The following NAV3 variants were observed in gnomAD, a reference collection of about 807,000 sequenced individuals.
The protein encoded by NAV3 is neuron navigator 3.
A neutral mutation model predicts 244.7 loss-of-function variants in NAV3; 87 were observed. The observed-to-expected ratio is 0.36, with a 90% CI of 0.30 to 0.42. The LOEUF (loss-of-function observed/expected upper bound fraction) is 0.42, where lower values mean the gene tolerates loss of function less well. NAV3 is among the 20% of genes least tolerant of loss of function. NAV3 has a pLI of 1.00. For synonymous variants in NAV3, 1,126 were observed against 1,042.2 expected (o/e 1.08, Z -1.55); for missense variants, 2,663 against 2,893.3 (o/e 0.92, Z 1.83).
At position 78,188,749 on chromosome 12, in the gene NAV3, T is replaced by C; in HGVS notation, c.6027T>C (p.Asp2009=). The C allele has an allele frequency of 1.2e-6, 2 of 1,612,080 alleles. No individual in the cohort carries two copies. Among genetic ancestry groups the C allele is most frequent in the Middle Eastern group, 1.7e-4 (1 of 6,050 alleles). Residue 2009 remains aspartate, a synonymous_variant, in exon 33 of 40, where the codon GAT becomes GAC. Transcript: ENST00000397909. The part of the protein sequence containing the change: ...ELLPCGYLVG[D]NNIITVNLKG... ...TGCCTTGTGGATACCTTGTTGGAGA[T>C]AATAACATCATCACTGTGAACCTCA...
In NAV3 at chr12:77,936,099, A is replaced by G. The variant is rs80345318; in HGVS notation, c.244-4220A>G. On this transcript the variant is annotated intron_variant, in intron 1 of 39. Transcript: ENST00000397909. ...GGAATTTAGAGAAAAGAAATGTTCA[A>G]TCAAAGTCTGCACAAATATTAAGTG... 6.9e-3 allele frequency among the ~76,000 whole-genome samples: 1,054 copies of G among 152,332 alleles called. 14 individuals are homozygous for G. Among genetic ancestry groups the G allele is most frequent in the African/African-American group, 0.024 (1,018 of 41,578 alleles).
intron 7 of NAV3, among the ~76,000 whole-genome samples, chr12:78,003,092 C>A: frequency 7.3e-6 from 1 of 137,424 alleles, no homozygotes. Context: ...CTTCTAGGAT[C>A]CCTATAAAAC....
chr12:78,119,083 C>T (rs984622918), intron 14 of NAV3, among the ~76,000 whole-genome samples, 154 bp from the exon 15 acceptor site: 3 of 152,176 alleles, frequency 2.0e-5, no homozygotes, highest in Non-Finnish European at 4.4e-5. Context: ...GCTATGCACT[C>T]AGTCCTCTCA....
chr12:77,716,485 TG>T (rs1441000933), intron 2 of NAV3, among the ~76,000 whole-genome samples: 1 of 151,950 alleles, frequency 6.6e-6, no homozygotes, highest in African/African-American at 2.4e-5. Flanking sequence ...TCATGTTTTA[TG>T]AAAAAAATTT....
At chr12:77,790,589 G>A (rs560055047) in intron 2 of NAV3, among the ~76,000 whole-genome samples, 1 of 152,226 alleles carries the variant, frequency 6.6e-6, no homozygotes, top group Admixed American at 6.5e-5. Flanking sequence ...CTGGCTTCAT[G>A]GTTTGATCAG....
intron 2 of NAV3, among the ~76,000 whole-genome samples, chr12:77,780,589 G>A (rs1870614739): frequency 6.6e-6 from 1 of 152,138 alleles, no homozygotes; most frequent in Non-Finnish European, 1.5e-5. Context: ...TGCGAAGATT[G>A]GTCAGTGTGT....
intron 2 of NAV3, among the ~76,000 whole-genome samples, chr12:77,750,960 T>C (rs1292206182): frequency 2.0e-5 from 3 of 152,216 alleles, no homozygotes; most frequent in Non-Finnish European, 2.9e-5. Flanking sequence ...AGACTTATTC[T>C]TATTTGCTAT....
chr12:77,850,766 T>C (rs1877391691), intron 1 of NAV3, among the ~76,000 whole-genome samples: 1 of 151,048 alleles, frequency 6.6e-6, no homozygotes, highest in African/African-American at 2.4e-5. Context: ...CTCAGGGTAA[T>C]GGCAGATGAA....
At chr12:77,663,732 G>A (rs1873583164) in intron 2 of NAV3, among the ~76,000 whole-genome samples, 1 of 152,096 alleles carries the variant, frequency 6.6e-6, no homozygotes, top group Non-Finnish European at 1.5e-5. Context: ...TGTTGGTCAG[G>A]CTGGTCTCGA....
chr12:78,039,373 G>A (rs139405724), intron 9 of NAV3, among the ~76,000 whole-genome samples: 2 of 152,096 alleles, frequency 1.3e-5, no homozygotes, highest in African/African-American at 4.8e-5. Flanking sequence ...ACAGATTAAG[G>A]TTTGTCCTAT....
Position 78,111,947 on chromosome 12 carries a change from A to C in NAV3, c.2637-4825A>C, listed in dbSNP as rs75063736. On this transcript the variant is annotated intron_variant, in intron 12 of 39. Coordinates refer to ENST00000397909, the MANE Select transcript of NAV3 (RefSeq NM_001024383.2). The stretch of plus-strand genomic sequence containing the variant: ...AGAAATATATATTTCTAAATTTATA[A>C]ATGTATTTATTGGTGTTCCACGTTG... 3.9e-3 allele frequency among the ~76,000 whole-genome samples: 589 copies of C among 152,310 alleles called. 3 individuals carry two copies. The highest frequency in any genetic ancestry group is 0.013 in the African/African-American group (552 of 41,570).
At chr12:78,093,143 A>G (rs986546793) in intron 12 of NAV3, among the ~76,000 whole-genome samples, 11 of 152,240 alleles carry the variant, frequency 7.2e-5, no homozygotes, top group Non-Finnish European at 1.3e-4. Flanking sequence ...TACAATGAAT[A>G]TGAATCATTA....
At chr12:77,583,789 T>G (rs1869475901) in intron 2 of NAV3, among the ~76,000 whole-genome samples, 1 of 152,194 alleles carries the variant, frequency 6.6e-6, no homozygotes. Context: ...ATCTGAGCTC[T>G]TTAACATGGC....
At chr12:77,618,580 T>A (rs1871234456) in intron 2 of NAV3, among the ~76,000 whole-genome samples, 1 of 152,186 alleles carries the variant, frequency 6.6e-6, no homozygotes, top group African/African-American at 2.4e-5. Flanking sequence ...AACTAAATAC[T>A]ATCAAATTTA....
chr12:77,600,625 A>G (rs1204849047), intron 2 of NAV3, among the ~76,000 whole-genome samples: 3 of 152,030 alleles, frequency 2.0e-5, no homozygotes, highest in African/African-American at 4.8e-5. Flanking sequence ...AGTGCATGTC[A>G]TAAATCAGGG....
chr12:77,640,200 A>G (rs1872345316), intron 2 of NAV3, among the ~76,000 whole-genome samples: 1 of 152,160 alleles, frequency 6.6e-6, no homozygotes. Flanking sequence ...TGTAAAAAAG[A>G]AATGATGCAG....
intron 12 of NAV3, among the ~76,000 whole-genome samples, chr12:78,106,110 A>G (rs1035566002): frequency 2.0e-5 from 3 of 151,856 alleles, no homozygotes; most frequent in Non-Finnish European, 4.4e-5. Flanking sequence ...TGTAGAGAGC[A>G]TACAGATTAG....
chr12:77,986,424 A>G (rs1245026318), intron 5 of NAV3, among the ~76,000 whole-genome samples: 1 of 152,198 alleles, frequency 6.6e-6, no homozygotes, highest in Non-Finnish European at 1.5e-5. Flanking sequence ...AATTACCACA[A>G]TAAATAAGCA....
At chr12:78,201,040 T>G in intron 38 of NAV3, among the ~76,000 whole-genome samples, 1 of 127,754 alleles carries the variant, frequency 7.8e-6, no homozygotes, top group Non-Finnish European at 1.6e-5. Context: ...TCTCTTTCTC[T>G]CTCTCTCTTT....
Sources: allele counts gnomAD v4.1 joint callset (sites outside exome capture counted in the v4.1 genomes callset), GRCh38; gene constraint gnomAD v4.1.1; transcripts MANE v1.5; gene names NCBI Gene and HGNC (gene_info 2026-07-23, HGNC 2026-07-21).